The following RFX6 variants were observed in gnomAD, a reference collection of about 807,000 sequenced individuals.
RFX6 encodes the protein regulatory factor X6, also known as DNA-binding protein RFX6.
A neutral mutation model predicts 110.8 loss-of-function variants in RFX6; 50 were observed. The ratio of observed to expected loss-of-function variants is 0.45; its 90% CI spans 0.36 to 0.57. The LOEUF is 0.57. Among genes scored for constraint, RFX6 ranks in the 20% least tolerant of loss-of-function variants. The probability of loss-of-function intolerance (pLI) is 0.00; values close to 1 mark genes in which losing one functional copy is unlikely to be tolerated. For synonymous variants in RFX6, 383 were observed against 411.2 expected (o/e 0.93, Z 0.83); for missense variants, 990 against 1,127.0 (o/e 0.88, Z 1.74).
intron 18 of RFX6, among the ~76,000 whole-genome samples, chr6:116,930,444 TAAG>T (rs1323344186): frequency 6.6e-6 from 1 of 152,154 alleles, no homozygotes; most frequent in Non-Finnish European, 1.5e-5. Context: ...TTCTTGCCTG[TAAG>T]AAGTTTACAT....
rs774231465 is a variant in RFX6 at position 116,916,017 on chromosome 6, C to G, written c.790C>G (p.Leu264Val). ...GCISKDKVDT[L>V]IMMYKTHCQC... is the part of the protein sequence containing the mutation. The stretch of plus-strand genomic sequence containing the variant: ...TTCTTCCTTGAAATAGGTTGATACG[C>G]TCATAATGATGTACAAAACTCACTG... Residue 264 changes from leucine to valine, a missense_variant, in exon 8 of 19, where the codon CTC (leucine) becomes GTC (valine). By Grantham distance (32) the Leu-to-Val change is conservative. This residue lies in a region of RFX6 where 243 missense variants were observed against 353.1 expected (regional missense o/e 0.69). Coordinates refer to ENST00000332958, the MANE Select transcript of RFX6 (RefSeq NM_173560.4). 3.1e-6 allele frequency: 5 copies of G among 1,608,120 alleles called. No homozygotes were observed. Among genetic ancestry groups the G allele is most frequent in the Non-Finnish European group, 3.4e-6 (4 of 1,175,176 alleles).
At chr6:116,882,116 G>A (rs1186374015) in intron 3 of RFX6, among the ~76,000 whole-genome samples, 1 of 152,052 alleles carries the variant, frequency 6.6e-6, no homozygotes, top group African/African-American at 2.4e-5. Flanking sequence ...TCAAGCAAAA[G>A]CAGATATTGG....
Position 116,919,292 on chromosome 6 carries a change from C to A in RFX6, c.1178C>A (p.Ala393Asp). 1.2e-6 allele frequency: 2 copies of A among 1,612,780 alleles called. No homozygotes were observed. The highest frequency in any genetic ancestry group is 1.1e-5 in the South Asian group (1 of 91,056). Residue 393 changes from alanine (A) to aspartate (D), a missense_variant, in exon 11 of 19, where the codon GCC becomes GAC. This residue lies in a region of RFX6 where 243 missense variants were observed against 353.1 expected (regional missense o/e 0.69). Transcript: ENST00000332958. ...LKRQTSFLHL[A>D]QIARPALFDQ... ...CGACAAACATCTTTCTTACATCTTGCCCAGGTATGTTGGTTGCTAAGTCGA... is the reference window on the plus strand; with the variant it reads ...CGACAAACATCTTTCTTACATCTTGACCAGGTATGTTGGTTGCTAAGTCGA...
intron 14 of RFX6, chr6:116,923,558 G>T: frequency 3.6e-6 from 1 of 280,274 alleles, no homozygotes; most frequent in Non-Finnish European, 6.8e-6. Context: ...ATGCATAGCA[G>T]CTATTATCAT....
intron 18 of RFX6, among the ~76,000 whole-genome samples, chr6:116,930,499 G>A (rs759226063): frequency 5.3e-5 from 8 of 152,118 alleles, no homozygotes; most frequent in Non-Finnish European, 1.0e-4. Context: ...ATGAGCAAAT[G>A]CATTAAAAAG....
intron 2 of RFX6, among the ~76,000 whole-genome samples, chr6:116,878,980 A>G (rs1774529079): frequency 6.6e-6 from 1 of 151,948 alleles, no homozygotes; most frequent in Admixed American, 6.6e-5. Flanking sequence ...TTACTAGTTA[A>G]GAATATACTA....
chr6:116,902,989 T>A (rs549073549), intron 6 of RFX6, among the ~76,000 whole-genome samples: 1 of 152,140 alleles, frequency 6.6e-6, no homozygotes, highest in African/African-American at 2.4e-5. Flanking sequence ...TCTTAATAGT[T>A]CACCCAAGAG....
At chr6:116,905,056 C>T (rs1775166966) in intron 6 of RFX6, among the ~76,000 whole-genome samples, 1 of 152,184 alleles carries the variant, frequency 6.6e-6, no homozygotes, top group Non-Finnish European at 1.5e-5. Context: ...ATTACTGGGT[C>T]ATATAATAAT....
intron 6 of RFX6, among the ~76,000 whole-genome samples, chr6:116,908,795 A>G (rs35974852): frequency 0.35 from 53,580 of 151,782 alleles, 9,760 homozygotes; most frequent in African/African-American, 0.44. Context: ...TGAGATGATT[A>G]TATAATATAC....
intron 5 of RFX6, 116 bp from the exon 6 acceptor site, chr6:116,895,064 A>G (rs1461125382): frequency 1.7e-6 from 1 of 582,038 alleles, no homozygotes; most frequent in Non-Finnish European, 3.2e-6. Context: ...AAATTTCTCC[A>G]GCTTATTTCT....
At chr6:116,899,018 G>T (rs900113835) in intron 6 of RFX6, among the ~76,000 whole-genome samples, 3 of 152,136 alleles carry the variant, frequency 2.0e-5, no homozygotes, top group Non-Finnish European at 2.9e-5. Context: ...ATTTTCTGTA[G>T]GACTTAATTT....
At chr6:116,879,322 G>A (rs1209017943) in intron 2 of RFX6, among the ~76,000 whole-genome samples, 1 of 151,836 alleles carries the variant, frequency 6.6e-6, no homozygotes, top group African/African-American at 2.4e-5. Flanking sequence ...TGAACATTGT[G>A]TACATGTAAT....
At chr6:116,908,788 G>C (rs931501803) in intron 6 of RFX6, among the ~76,000 whole-genome samples, 2 of 151,898 alleles carry the variant, frequency 1.3e-5, no homozygotes, top group African/African-American at 2.4e-5. Flanking sequence ...CATCAGTTGA[G>C]ATGATTATAT....
At chr6:116,893,595 G>T (rs1306217371) in intron 4 of RFX6, among the ~76,000 whole-genome samples, 2 of 152,154 alleles carry the variant, frequency 1.3e-5, no homozygotes, top group Non-Finnish European at 2.9e-5. Flanking sequence ...ATATGGTAAA[G>T]AAAACCATAG....
At chr6:116,911,563 G>T (rs1323408822) in intron 7 of RFX6, among the ~76,000 whole-genome samples, 1 of 152,058 alleles carries the variant, frequency 6.6e-6, no homozygotes, top group Admixed American at 6.6e-5. Context: ...CATTTTCATT[G>T]GGATTCAGTT....
chr6:116,931,084 C>A (rs639170), intron 18 of RFX6, among the ~76,000 whole-genome samples: 1 of 151,634 alleles, frequency 6.6e-6, no homozygotes, highest in Admixed American at 6.6e-5. Flanking sequence ...TATATTTTGG[C>A]GGTAGCACTT....
chr6:116,909,739 T>A, intron 6 of RFX6, among the ~76,000 whole-genome samples: 1 of 122,324 alleles, frequency 8.2e-6, no homozygotes, highest in African/African-American at 3.3e-5. Flanking sequence ...TTAAATCTTT[T>A]TTTTTTTTTT....
chr6:116,923,860 T>A (rs944391396), intron 14 of RFX6, among the ~76,000 whole-genome samples: 8 of 152,212 alleles, frequency 5.3e-5, no homozygotes, highest in African/African-American at 1.9e-4. Flanking sequence ...TTTATAGTTA[T>A]AATGTTAACT....
At chr6:116,924,075 T>C (rs1263914745) in intron 14 of RFX6, among the ~76,000 whole-genome samples, 2 of 152,222 alleles carry the variant, frequency 1.3e-5, no homozygotes, top group Non-Finnish European at 2.9e-5. Context: ...ATATACAGCA[T>C]TGAAGCCTGG....
Sources: allele counts gnomAD v4.1 joint callset (sites outside exome capture counted in the v4.1 genomes callset), GRCh38; gene constraint gnomAD v4.1.1; regional missense constraint gnomAD v4.1.1; transcripts MANE v1.5; gene names NCBI Gene and HGNC (gene_info 2026-07-23, HGNC 2026-07-21).